MDGA2: variants seen among roughly 807,000 people sequenced by gnomAD.
MDGA2 encodes MAM domain containing glycosylphosphatidylinositol anchor 2.
MDGA2 carries 40 observed loss-of-function variants against 117.8 expected under a neutral mutation model. That is an observed-to-expected ratio of 0.34 (90% CI 0.26 to 0.44). The LOEUF (loss-of-function observed/expected upper bound fraction) is 0.44. Ranked by LOEUF, MDGA2 falls within the 20% of genes least tolerant of loss-of-function variation. MDGA2 has a pLI of 1.00. For synonymous variants in MDGA2, 452 were observed against 439.0 expected (o/e 1.03, Z -0.37); for missense variants, 1,123 against 1,250.6 (o/e 0.90, Z 1.54).
chr14:47,129,588 G>C (rs1882092599), intron 5 of MDGA2, among the ~76,000 whole-genome samples: 1 of 148,628 alleles, frequency 6.7e-6, no homozygotes, highest in Non-Finnish European at 1.5e-5. Context: ...ATGATTTATA[G>C]TCCTTTGGGT....
chr14:47,633,907 G>A (rs181914515), intron 1 of MDGA2, among the ~76,000 whole-genome samples: 20 of 152,192 alleles, frequency 1.3e-4, no homozygotes, highest in Admixed American at 3.9e-4. Flanking sequence ...AACTGGGTCC[G>A]AAATGTTTAG....
rs1013841551 is a variant in MDGA2 at position 47,675,478 on chromosome 14, C to A, written c.-682G>T. 6.6e-6 allele frequency among the ~76,000 whole-genome samples: 1 copy of A among 152,012 alleles called. No individual in the cohort carries two copies. The highest frequency in any genetic ancestry group is 1.5e-5 in the Non-Finnish European group (1 of 67,988). ...GCTCGCTTGGGCACACCAGCCCAGC[C>A]GCCACCGCCACCGCTCTCCAAAATA... On this transcript the variant is annotated 5_prime_UTR_variant, in exon 1 of 17. Transcript: ENST00000399232.
intron 2 of MDGA2, among the ~76,000 whole-genome samples, chr14:47,266,715 G>A (rs570336172): frequency 6.6e-6 from 1 of 152,228 alleles, no homozygotes; most frequent in South Asian, 2.1e-4. Flanking sequence ...AAGGTGTCAA[G>A]CTCTCACCAC....
intron 8 of MDGA2, among the ~76,000 whole-genome samples, chr14:47,030,312 C>G (rs1012455700): frequency 6.6e-6 from 1 of 151,720 alleles, no homozygotes; most frequent in Non-Finnish European, 1.5e-5. Context: ...GTCAGGAGTT[C>G]GAGACTAGCC....
chr14:46,916,217 A>C (rs1883891292), intron 10 of MDGA2, among the ~76,000 whole-genome samples: 1 of 152,056 alleles, frequency 6.6e-6, no homozygotes, highest in South Asian at 2.1e-4. Context: ...AAAGCTCATC[A>C]CTTCCTACTC....
At chr14:47,249,439 G>A (rs571064290) in intron 2 of MDGA2, among the ~76,000 whole-genome samples, 8 of 151,892 alleles carry the variant, frequency 5.3e-5, no homozygotes, top group South Asian at 2.1e-4. Context: ...CTCCCACCTC[G>A]GCCTCCTGAA....
intron 1 of MDGA2, among the ~76,000 whole-genome samples, chr14:47,520,088 C>A (rs577467280): frequency 6.6e-6 from 1 of 152,234 alleles, no homozygotes; most frequent in Admixed American, 6.5e-5. Flanking sequence ...TAGACTAATT[C>A]CAGATCTCAG....
Position 47,583,239 on chromosome 14 carries a change from G to A in MDGA2, c.280+91278C>T, listed in dbSNP as rs556406951. Among the ~76,000 whole-genome samples, 6 of 151,920 alleles carry A rather than the reference G, an allele frequency of 3.9e-5. 1 individual carries two copies. In the South Asian group the frequency reaches 1.2e-3, roughly 31 times the overall value. ...AGAGACTTAAGATAGAATGACGTGA[G>A]GGAGAATGGCTAGATTAGACTGTAT... On this transcript the variant is annotated intron_variant, in intron 1 of 16. Coordinates refer to ENST00000399232, the MANE Select transcript of MDGA2 (RefSeq NM_001113498.3).
chr14:47,004,720 CCATT>C (rs1408770764), intron 8 of MDGA2, among the ~76,000 whole-genome samples: 3 of 151,678 alleles, frequency 2.0e-5, no homozygotes, highest in Non-Finnish European at 1.5e-5. Context: ...TCATATCTCT[CCATT>C]TATTTAGGTC....
At chr14:47,469,553 T>C (rs1893677492) in intron 1 of MDGA2, among the ~76,000 whole-genome samples, 1 of 152,126 alleles carries the variant, frequency 6.6e-6, no homozygotes, top group South Asian at 2.1e-4. Flanking sequence ...CAGTCTATCG[T>C]TGTTGGACAT....
intron 14 of MDGA2, among the ~76,000 whole-genome samples, chr14:46,867,436 A>T (rs1025768848): frequency 6.6e-6 from 1 of 152,094 alleles, no homozygotes; most frequent in Non-Finnish European, 1.5e-5. Flanking sequence ...AGATATACCT[A>T]ATGCTAGATG....
At chr14:47,249,091 C>T (rs1426635158) in intron 2 of MDGA2, among the ~76,000 whole-genome samples, 1 of 151,260 alleles carries the variant, frequency 6.6e-6, no homozygotes, top group Admixed American at 6.6e-5. Flanking sequence ...GATCTCGGCT[C>T]ACTGCAACCT....
At chr14:47,232,038 C>G (rs537455371) in intron 2 of MDGA2, among the ~76,000 whole-genome samples, 20 of 152,056 alleles carry the variant, frequency 1.3e-4, no homozygotes, top group Non-Finnish European at 2.5e-4. Context: ...GGACACTCAT[C>G]ATCTCATTCC....
At chr14:47,360,432 T>A (rs1022497008) in intron 1 of MDGA2, among the ~76,000 whole-genome samples, 1 of 151,442 alleles carries the variant, frequency 6.6e-6, no homozygotes, top group Non-Finnish European at 1.5e-5. Flanking sequence ...AGGATCTGAA[T>A]AGACATTTCT....
intron 1 of MDGA2, among the ~76,000 whole-genome samples, chr14:47,501,329 AC>A (rs1326353690): frequency 6.6e-6 from 1 of 152,214 alleles, no homozygotes; most frequent in Non-Finnish European, 1.5e-5. Flanking sequence ...AATGAAAAAG[AC>A]ATCACAAATA....
At chr14:47,151,749 ATTATC>A (rs1883172186) in intron 3 of MDGA2, among the ~76,000 whole-genome samples, 1 of 151,826 alleles carries the variant, frequency 6.6e-6, no homozygotes, top group South Asian at 2.1e-4. Flanking sequence ...AATGTAAATA[ATTATC>A]TTATTTGATA....
At chr14:47,139,841 T>TAC (rs1882636343) in intron 4 of MDGA2, among the ~76,000 whole-genome samples, 2 of 145,110 alleles carry the variant, frequency 1.4e-5, no homozygotes, top group Admixed American at 7.0e-5. Context: ...CATATATATA[T>TAC]ACACACATAT....
rs373684616 is a variant in MDGA2, at chr14:47,066,737, G to GA, written c.1196-5160dup. ...GTTGATAATCTGAAGATGGAAGAAGGAAAAAAAAAACTGACATCTACGCAC... is the reference window on the plus strand; with the variant it reads ...GTTGATAATCTGAAGATGGAAGAAGGAAAAAAAAAAACTGACATCTACGCAC... On this transcript the variant is annotated intron_variant, in intron 6 of 16. Coordinates refer to ENST00000399232, the MANE Select transcript of MDGA2 (RefSeq NM_001113498.3). Among the ~76,000 whole-genome samples, 36 of 149,090 alleles carry GA rather than the reference G, an allele frequency of 2.4e-4. 1 individual carries two copies. Among genetic ancestry groups the GA allele is most frequent in the South Asian group, 8.5e-4 (4 of 4,720 alleles).
At chr14:47,448,207 G>A (rs953454651) in intron 1 of MDGA2, among the ~76,000 whole-genome samples, 3 of 151,740 alleles carry the variant, frequency 2.0e-5, no homozygotes, top group African/African-American at 7.3e-5. Flanking sequence ...CTGGAGGGTA[G>A]TGGCAAGATC....
Sources: gnomAD v4.1 joint callset for allele counts (sites outside exome capture counted in the v4.1 genomes callset) on GRCh38, gnomAD v4.1.1 for gene constraint, MANE v1.5 for transcripts, NCBI Gene and HGNC (gene_info 2026-07-23, HGNC 2026-07-21) for gene names.